CACNG3: variants seen among roughly 807,000 people sequenced by gnomAD.
CACNG3 encodes the protein calcium voltage-gated channel auxiliary subunit gamma 3.
Under a neutral mutation model 28.5 loss-of-function variants are expected in CACNG3, and 3 were observed. The ratio of observed to expected loss-of-function variants is 0.11; its 90% CI spans 0.05 to 0.27. The LOEUF (loss-of-function observed/expected upper bound fraction) is 0.27, where lower values mean the gene tolerates loss of function less well. Ranked by LOEUF, CACNG3 falls within the 10% of genes least tolerant of loss-of-function variation. The pLI is 1.00. For synonymous variants in CACNG3, 174 were observed against 162.2 expected, an observed-to-expected ratio of 1.07 and a Z score of -0.55; for missense variants, 236 against 414.4, an observed-to-expected ratio of 0.57 and a Z score of 3.74.
In CACNG3 at chr16:24,256,433, C is replaced by T. The variant is rs887040248; in HGVS notation, c.-322C>T. ...AAACCGAGCTGGCAGCTCCAGGCTC[C>T]GGAGCCATGCCCTGCACGGACCCTC... On this transcript the variant is annotated 5_prime_UTR_variant, in exon 1 of 4. Transcript: ENST00000005284. The surrounding 1 kb of genome is among the most constrained non-coding windows in gnomAD (Gnocchi z 4.6). The T allele has an allele frequency of 2.2e-5, 7 of 314,186 alleles. No homozygotes were observed. Among genetic ancestry groups the T allele is most frequent in the African/African-American group, 1.1e-4 (5 of 46,862 alleles). 19.5% of individuals were successfully genotyped at this position (314,186 alleles called of 1,614,324 possible).
chr16:24,335,335 G>A (rs976504187), intron 1 of CACNG3, among the ~76,000 whole-genome samples: 16 of 152,238 alleles, frequency 1.1e-4, no homozygotes, highest in Middle Eastern at 6.8e-3. Context: ...CATGAGAATC[G>A]CTTGAACCTG....
At chr16:24,258,061 G>T (rs192664983) in intron 1 of CACNG3, among the ~76,000 whole-genome samples, 1 of 152,182 alleles carries the variant, frequency 6.6e-6, no homozygotes, top group Admixed American at 6.5e-5. Flanking sequence ...TGTCACAGTG[G>T]TGGGCAAGGA....
chr16:24,344,169 C>T (rs1038944342), intron 1 of CACNG3, among the ~76,000 whole-genome samples: 20 of 152,176 alleles, frequency 1.3e-4, no homozygotes, highest in Non-Finnish European at 7.3e-5. Flanking sequence ...CAGTGGCTCA[C>T]ATCTGTAATC....
At chr16:24,321,999 A>C (rs965124703) in intron 1 of CACNG3, among the ~76,000 whole-genome samples, 1 of 152,152 alleles carries the variant, frequency 6.6e-6, no homozygotes, top group Non-Finnish European at 1.5e-5. Flanking sequence ...CGTGTGGATG[A>C]GAAGGGACTG....
intron 1 of CACNG3, among the ~76,000 whole-genome samples, chr16:24,291,305 G>C (rs1006459348): frequency 6.6e-6 from 1 of 152,178 alleles, no homozygotes; most frequent in Non-Finnish European, 1.5e-5. Flanking sequence ...TGGAAGAGTA[G>C]GGACCTGCAC....
chr16:24,262,704 A>G (rs928419889), intron 1 of CACNG3, among the ~76,000 whole-genome samples: 11 of 152,234 alleles, frequency 7.2e-5, no homozygotes, highest in Non-Finnish European at 1.2e-4. Context: ...CAGTCGTATC[A>G]TCATCGGTGG....
At chr16:24,268,967 T>C (rs1351076974) in intron 1 of CACNG3, among the ~76,000 whole-genome samples, 1 of 152,174 alleles carries the variant, frequency 6.6e-6, no homozygotes. Flanking sequence ...GCAGCCAGGT[T>C]CTCATGCAGC....
At chr16:24,345,576 T>C (rs1899852224) in intron 1 of CACNG3, among the ~76,000 whole-genome samples, 1 of 152,180 alleles carries the variant, frequency 6.6e-6, no homozygotes. Context: ...GGCAGGTGCC[T>C]GTAATCCCAG....
intron 1 of CACNG3, among the ~76,000 whole-genome samples, chr16:24,343,518 A>T (rs1255804804): frequency 6.6e-6 from 1 of 152,168 alleles, no homozygotes; most frequent in East Asian, 1.9e-4. Flanking sequence ...TGCCCCTGGG[A>T]CATGCCATGG....
At chr16:24,282,117 TATTTTTCC>T (rs1898836338) in intron 1 of CACNG3, among the ~76,000 whole-genome samples, 1 of 152,206 alleles carries the variant, frequency 6.6e-6, no homozygotes, top group Non-Finnish European at 1.5e-5. Flanking sequence ...AACATGACTT[TATTTTTCC>T]TCACAACAAC....
intron 1 of CACNG3, among the ~76,000 whole-genome samples, chr16:24,276,845 A>T (rs1485393291): frequency 1.3e-5 from 2 of 152,234 alleles, no homozygotes; most frequent in African/African-American, 4.8e-5. Flanking sequence ...GATATTCTTC[A>T]TATGTGAGAT....
chr16:24,300,174 T>C (rs1427100381), intron 1 of CACNG3, among the ~76,000 whole-genome samples: 1 of 152,196 alleles, frequency 6.6e-6, no homozygotes, highest in African/African-American at 2.4e-5. Flanking sequence ...TTTTGAGTGA[T>C]GACTAAGGCC....
intron 1 of CACNG3, among the ~76,000 whole-genome samples, chr16:24,279,478 A>G (rs988479403): frequency 6.6e-6 from 1 of 151,616 alleles, no homozygotes; most frequent in Non-Finnish European, 1.5e-5. Context: ...TATTATTATT[A>G]TTATTTTGTA....
chr16:24,283,930 A>G (rs1898862242), intron 1 of CACNG3, among the ~76,000 whole-genome samples: 1 of 152,218 alleles, frequency 6.6e-6, no homozygotes, highest in Non-Finnish European at 1.5e-5. Context: ...TTTCTTTATC[A>G]TACTATCAAG....
chr16:24,299,938 G>GCACACA (rs71943943), intron 1 of CACNG3, among the ~76,000 whole-genome samples: 5 of 147,346 alleles, frequency 3.4e-5, no homozygotes, highest in Non-Finnish European at 7.5e-5. Flanking sequence ...ACATGCACAC[G>GCACACA]CACACACACA....
intron 2 of CACNG3, among the ~76,000 whole-genome samples, chr16:24,348,796 T>C (rs1296377525): frequency 6.6e-6 from 1 of 152,216 alleles, no homozygotes; most frequent in Non-Finnish European, 1.5e-5. Flanking sequence ...ATTTTCTTTG[T>C]TTTTCTTTTT....
chr16:24,314,963 G>C (rs905418402), intron 1 of CACNG3, among the ~76,000 whole-genome samples: 1 of 152,132 alleles, frequency 6.6e-6, no homozygotes, highest in African/African-American at 2.4e-5. Context: ...CTGTGAGCTT[G>C]TGCAAGATAG....
chr16:24,350,414 A>G (rs1899926220), intron 2 of CACNG3, among the ~76,000 whole-genome samples: 3 of 151,464 alleles, frequency 2.0e-5, no homozygotes, highest in African/African-American at 7.3e-5. Flanking sequence ...TCCTAGGCTC[A>G]AGCCTCTTGA....
chr16:24,272,033 C>T (rs890686326), intron 1 of CACNG3, among the ~76,000 whole-genome samples: 3 of 151,468 alleles, frequency 2.0e-5, no homozygotes, highest in African/African-American at 7.3e-5. Context: ...GGAAAGAGAA[C>T]ATGGAAATAG....
Sources: gnomAD v4.1 joint callset for allele counts (sites outside exome capture counted in the v4.1 genomes callset) on GRCh38, gnomAD v4.1.1 for gene constraint, Gnocchi (gnomAD v3.1) non-coding constraint, MANE v1.5 for transcripts, NCBI Gene and HGNC (gene_info 2026-07-23, HGNC 2026-07-21) for gene names.